Variants in TPD52 observed in about 807,000 individuals in gnomAD.
TPD52 encodes the protein tumor protein D52.
In TPD52, 17 loss-of-function variants were observed where a neutral mutation model predicts 31.3. The observed-to-expected ratio is 0.54, with a 90% CI of 0.37 to 0.82. The LOEUF is 0.82. Among genes scored for constraint, TPD52 ranks in the 40% least tolerant of loss-of-function variants. The probability of loss-of-function intolerance (pLI) is 0.00; values close to 1 mark genes in which losing one functional copy is unlikely to be tolerated. For missense variants in TPD52, 212 were observed against 240.1 expected (o/e 0.88, Z 0.77); for synonymous variants, 83 against 89.6 (o/e 0.93, Z 0.42).
At chr8:80,089,493 T>C (rs1816086479) in intron 1 of TPD52, among the ~76,000 whole-genome samples, 1 of 151,884 alleles carries the variant, frequency 6.6e-6, no homozygotes, top group Admixed American at 6.6e-5. Flanking sequence ...TAAACTTCTA[T>C]CCTCAGGGAA....
intron 1 of TPD52, among the ~76,000 whole-genome samples, chr8:80,102,632 G>C (rs1048591912): frequency 6.6e-6 from 1 of 152,138 alleles, no homozygotes; most frequent in African/African-American, 2.4e-5. Context: ...TATTTGGTCT[G>C]TCCCCGTTTC....
At chr8:80,065,025 C>T (rs1468187838) in intron 1 of TPD52, among the ~76,000 whole-genome samples, 1 of 152,164 alleles carries the variant, frequency 6.6e-6, no homozygotes, top group Non-Finnish European at 1.5e-5. Context: ...TCAAAGCCAA[C>T]ATTTCATAAA....
intron 1 of TPD52, among the ~76,000 whole-genome samples, chr8:80,160,351 T>C (rs1373113839): frequency 6.6e-6 from 1 of 152,112 alleles, no homozygotes; most frequent in African/African-American, 2.4e-5. Flanking sequence ...AAAATGAAAA[T>C]GTACCAGTCC....
chr8:80,112,211 A>C (rs988136804), intron 1 of TPD52, among the ~76,000 whole-genome samples: 2 of 152,242 alleles, frequency 1.3e-5, no homozygotes, highest in Non-Finnish European at 2.9e-5. Context: ...CCAGGTGATA[A>C]GCAGTGCTCT....
chr8:80,042,613 T>A lies in TPD52; in HGVS notation c.504+7A>T. The A allele has an allele frequency of 6.2e-7, 1 of 1,611,074 alleles. No individual in the cohort carries two copies. Among genetic ancestry groups the A allele is most frequent in the Non-Finnish European group, 8.5e-7 (1 of 1,178,420 alleles). The stretch of plus-strand genomic sequence containing the variant: ...ATCAAAAAGACCCTGTTCATCTCTC[T>A]ACTTGCCTTTAAGTTTTCGACCTTT... On this transcript the variant is annotated splice_region_variant and intron_variant, in intron 7 of 7. Transcript: ENST00000518937.
chr8:80,136,150 A>G (rs1394042036), intron 1 of TPD52, among the ~76,000 whole-genome samples: 5 of 144,014 alleles, frequency 3.5e-5, no homozygotes, highest in African/African-American at 1.3e-4. Flanking sequence ...AAATTAATTA[A>G]TTAAAAAAAA....
intron 1 of TPD52, chr8:80,123,233 A>T (rs551620934): frequency 6.6e-6 from 1 of 152,416 alleles, no homozygotes; most frequent in South Asian, 2.1e-4. Context: ...AGGGCTCTGC[A>T]GAATCTATGT....
At chr8:80,042,787 A>AT in intron 6 of TPD52, 119 bp from the exon 7 acceptor site, 25 of 843,102 alleles carry the variant, frequency 3.0e-5, no homozygotes, top group Non-Finnish European at 4.4e-5. Flanking sequence ...GAACAGATAT[A>AT]ATCTGTACCA....
chr8:80,166,863 G>A (rs1051252062), intron 1 of TPD52, among the ~76,000 whole-genome samples: 15 of 152,096 alleles, frequency 9.9e-5, no homozygotes, highest in Middle Eastern at 3.4e-3. Context: ...CCGAGATCAC[G>A]CCACTGCACT....
At chr8:80,165,128 A>G (rs1318650259) in intron 1 of TPD52, among the ~76,000 whole-genome samples, 1 of 152,124 alleles carries the variant, frequency 6.6e-6, no homozygotes, top group African/African-American at 2.4e-5. Context: ...GAAGTAAACT[A>G]CCTTTATATT....
At chr8:80,131,386 A>G (rs1223117459) in intron 1 of TPD52, among the ~76,000 whole-genome samples, 1 of 152,218 alleles carries the variant, frequency 6.6e-6, no homozygotes, top group East Asian at 1.9e-4. Context: ...AGCATATTAT[A>G]TACCCTCAAA....
intron 2 of TPD52, among the ~76,000 whole-genome samples, chr8:80,062,415 G>A (rs1327096437): frequency 2.0e-5 from 3 of 152,126 alleles, no homozygotes; most frequent in Admixed American, 1.3e-4. Flanking sequence ...TAAATCTTAA[G>A]AGCCAACACT....
chr8:80,105,364 T>C (rs1233591823), intron 1 of TPD52, among the ~76,000 whole-genome samples: 1 of 152,192 alleles, frequency 6.6e-6, no homozygotes, highest in African/African-American at 2.4e-5. Context: ...TATCTATAGA[T>C]TACAGACATT....
chr8:80,064,698 C>G, intron 1 of TPD52, 105 bp from the exon 2 acceptor site: 1 of 788,626 alleles, frequency 1.3e-6, no homozygotes, highest in Non-Finnish European at 2.2e-6. Context: ...AGAGTAGATC[C>G]ACACATCTCA....
chr8:80,157,570 G>A (rs1258762139), intron 1 of TPD52, among the ~76,000 whole-genome samples: 10 of 152,250 alleles, frequency 6.6e-5, no homozygotes, highest in South Asian at 2.1e-4. Flanking sequence ...AAACCCGAGC[G>A]AGAATAGTTA....
At chr8:80,139,832 C>T (rs1809700020) in intron 1 of TPD52, among the ~76,000 whole-genome samples, 1 of 152,142 alleles carries the variant, frequency 6.6e-6, no homozygotes, top group South Asian at 2.1e-4. Context: ...GAATACAAGA[C>T]ATTTACAAAT....
At chr8:80,159,677 A>G (rs1166585830) in intron 1 of TPD52, among the ~76,000 whole-genome samples, 1 of 152,218 alleles carries the variant, frequency 6.6e-6, no homozygotes, top group Non-Finnish European at 1.5e-5. Context: ...CATGAAAAGC[A>G]TTTAGACAGA....
chr8:80,112,078 G>T (rs1314665292), intron 1 of TPD52, among the ~76,000 whole-genome samples: 2 of 152,206 alleles, frequency 1.3e-5, no homozygotes, highest in Admixed American at 1.3e-4. Context: ...AGTAATAACA[G>T]TTTTTCCCAC....
intron 1 of TPD52, among the ~76,000 whole-genome samples, chr8:80,111,539 C>A (rs775731211): frequency 6.6e-6 from 1 of 152,152 alleles, no homozygotes; most frequent in African/African-American, 2.4e-5. Context: ...GGGAAAAGAA[C>A]TTTGGTTTTT....
Sources: gnomAD v4.1 joint callset for allele counts (sites outside exome capture counted in the v4.1 genomes callset) on GRCh38, gnomAD v4.1.1 for gene constraint, MANE v1.5 for transcripts, NCBI Gene and HGNC (gene_info 2026-07-23, HGNC 2026-07-21) for gene names.